The following RBX1 variants were observed in gnomAD, a reference collection of about 807,000 sequenced individuals.
The protein encoded by RBX1 is ring-box 1.
For synonymous variants in RBX1, 48 were observed against 47.9 expected (o/e 1.00, Z -0.01); for missense variants, 46 against 141.4 (o/e 0.33, Z 3.42).
At chr22:40,966,686 T>C (rs900558429) in intron 3 of RBX1, 1 of 152,198 alleles carries the variant, frequency 6.6e-6, no homozygotes, top group African/African-American at 2.4e-5. Context: ...CACAAGATAA[T>C]AATCCATATT....
chr22:40,957,279 A>G (rs917795070), intron 2 of RBX1, among the ~76,000 whole-genome samples: 2 of 151,982 alleles, frequency 1.3e-5, no homozygotes, highest in African/African-American at 4.8e-5. Context: ...TGGGAGGCAG[A>G]GGTTGCAGTG....
chr22:40,951,931 C>T (rs761538606), intron 1 of RBX1, among the ~76,000 whole-genome samples: 7 of 151,850 alleles, frequency 4.6e-5, no homozygotes, highest in Non-Finnish European at 7.4e-5. Context: ...CCTTGGTGAT[C>T]TTGCTCCGCC....
intron 2 of RBX1, among the ~76,000 whole-genome samples, chr22:40,956,563 C>G (rs999557994): frequency 2.0e-5 from 3 of 151,758 alleles, no homozygotes; most frequent in African/African-American, 7.3e-5. Flanking sequence ...GTTGGCCAGG[C>G]TGGTCTCAAA....
intron 3 of RBX1, among the ~76,000 whole-genome samples, chr22:40,964,911 G>C (rs1200838509): frequency 6.6e-6 from 1 of 152,208 alleles, no homozygotes. Context: ...AAATGGGGCT[G>C]ATAGTGGACC....
At chr22:40,957,348 A>C (rs2058328465) in intron 2 of RBX1, among the ~76,000 whole-genome samples, 1 of 151,480 alleles carries the variant, frequency 6.6e-6, no homozygotes, top group Admixed American at 6.6e-5. Flanking sequence ...TCTGTCTCAA[A>C]AAAAAAGACA....
chr22:40,966,455 A>G (rs1400722873), intron 3 of RBX1: 2 of 152,132 alleles, frequency 1.3e-5, no homozygotes, highest in African/African-American at 2.4e-5. Context: ...GCCCGACCCC[A>G]ACACCTGATG....
At chr22:40,968,771 T>C (rs1601539830) in intron 4 of RBX1, among the ~76,000 whole-genome samples, 2 of 152,216 alleles carry the variant, frequency 1.3e-5, no homozygotes, top group South Asian at 4.1e-4. Context: ...ATCTCTTATA[T>C]GTCCCGGTAT....
At chr22:40,972,382 T>C (rs2058371450) in intron 4 of RBX1, 94 bp from the exon 5 acceptor site, 1 of 923,610 alleles carries the variant, frequency 1.1e-6, no homozygotes, top group Non-Finnish European at 1.8e-6. Flanking sequence ...TCACTTAGGT[T>C]CTAACTAAAG....
intron 3 of RBX1, among the ~76,000 whole-genome samples, chr22:40,965,169 G>A (rs956305482): frequency 3.9e-5 from 6 of 151,992 alleles, no homozygotes; most frequent in Admixed American, 6.6e-5. Context: ...CGGGTGTGGT[G>A]GCAGGCGCCT....
chr22:40,963,839 G>A (rs1019741600), intron 2 of RBX1, among the ~76,000 whole-genome samples: 1 of 152,210 alleles, frequency 6.6e-6, no homozygotes, highest in African/African-American at 2.4e-5. Context: ...GGAGTGAGAT[G>A]TGCATTTCCC....
chr22:40,952,983 C>CTTTTTTTTTTT (rs34618218), intron 1 of RBX1, among the ~76,000 whole-genome samples: 5 of 86,872 alleles, frequency 5.8e-5, no homozygotes, highest in African/African-American at 7.7e-5. Context: ...AGTTTGTGCC[C>CTTTTTTTTTTT]TTTTTTTTTT....
intron 2 of RBX1, among the ~76,000 whole-genome samples, chr22:40,960,467 ACT>A (rs2058336896): frequency 6.6e-6 from 1 of 151,870 alleles, no homozygotes. Context: ...GAAGGAAAGG[ACT>A]CTACCGTGAA....
At chr22:40,959,062 C>T (rs571547707) in intron 2 of RBX1, among the ~76,000 whole-genome samples, 200 of 152,248 alleles carry the variant, frequency 1.3e-3, no homozygotes, top group Non-Finnish European at 2.3e-3. Context: ...GTGATCCACC[C>T]GGCTCGGCCT....
At chr22:40,958,092 G>T (rs532609461) in intron 2 of RBX1, among the ~76,000 whole-genome samples, 5 of 152,180 alleles carry the variant, frequency 3.3e-5, no homozygotes, top group African/African-American at 1.2e-4. Context: ...AAAGTGCTGG[G>T]ATTACAGGTG....
At chr22:40,971,002 T>A in intron 4 of RBX1, among the ~76,000 whole-genome samples, 1 of 152,148 alleles carries the variant, frequency 6.6e-6, no homozygotes, top group Non-Finnish European at 1.5e-5. Context: ...GGAGCTTGCA[T>A]TCTACAGGGA....
intron 2 of RBX1, among the ~76,000 whole-genome samples, chr22:40,959,977 G>GTA (rs1006362950): frequency 6.6e-6 from 1 of 152,048 alleles, no homozygotes; most frequent in African/African-American, 2.4e-5. Flanking sequence ...AATTAGCTTG[G>GTA]TATGGTAGTG....
chr22:40,951,602 C>T, intron 1 of RBX1, 126 bp downstream of exon 1: 1 of 849,484 alleles, frequency 1.2e-6, no homozygotes, highest in Non-Finnish European at 1.8e-6. Flanking sequence ...CCGGGTACCA[C>T]GAAAGGAAGC....
intron 4 of RBX1, among the ~76,000 whole-genome samples, chr22:40,970,139 T>C (rs2146304471): frequency 6.6e-6 from 1 of 150,714 alleles, no homozygotes; most frequent in African/African-American, 2.4e-5. Flanking sequence ...GTGGATCACC[T>C]GAGGTCAGGA....
intron 3 of RBX1, among the ~76,000 whole-genome samples, chr22:40,965,672 C>T (rs1033291397): frequency 5.9e-5 from 9 of 152,094 alleles, no homozygotes; most frequent in African/African-American, 2.2e-4. Flanking sequence ...AACTCCTGAC[C>T]TTGGGGCGAT....
Sources: gnomAD v4.1 joint callset for allele counts (sites outside exome capture counted in the v4.1 genomes callset) on GRCh38, gnomAD v4.1.1 for gene constraint, MANE v1.5 for transcripts, NCBI Gene and HGNC (gene_info 2026-07-23, HGNC 2026-07-21) for gene names.